CACNA1C: variants seen among roughly 807,000 people sequenced by gnomAD.
The protein encoded by CACNA1C is voltage-dependent L-type calcium channel subunit alpha-1C.
In CACNA1C, 30 loss-of-function variants were observed where a neutral mutation model predicts 229.0. The ratio of observed to expected loss-of-function variants is 0.13; its 90% CI spans 0.10 to 0.18. CACNA1C has a LOEUF of 0.18. CACNA1C is among the 10% of genes least tolerant of loss of function. CACNA1C has a pLI of 1.00. For synonymous variants in CACNA1C, 1,114 were observed against 1,132.5 expected (o/e 0.98, Z 0.33); for missense variants, 1,658 against 2,845.0 (o/e 0.58, Z 9.49).
At chr12:2,191,376 G>A (rs1003786082) in intron 3 of CACNA1C, among the ~76,000 whole-genome samples, 2 of 152,124 alleles carry the variant, frequency 1.3e-5, no homozygotes, top group East Asian at 1.9e-4. Context: ...CTTCTCCAGC[G>A]TACCGGCATC....
At chr12:2,176,545 A>G (rs574873144) in intron 3 of CACNA1C, among the ~76,000 whole-genome samples, 14 of 147,202 alleles carry the variant, frequency 9.5e-5, no homozygotes, top group African/African-American at 1.2e-4. Context: ...GCTTCCTTCC[A>G]TGTCAGCTAG....
intron 3 of CACNA1C, among the ~76,000 whole-genome samples, chr12:2,281,244 G>A (rs1295145091): frequency 6.6e-6 from 1 of 152,032 alleles, no homozygotes; most frequent in Non-Finnish European, 1.5e-5. Flanking sequence ...TGCCGTTGCT[G>A]CCATACATGC....
intron 3 of CACNA1C, among the ~76,000 whole-genome samples, chr12:2,277,350 GACAGACAGACAGACACACACACAC>G (rs2088905426): frequency 6.5e-5 from 5 of 76,530 alleles, no homozygotes; most frequent in African/African-American, 1.6e-4. Flanking sequence ...CAGACAGACA[GACAGACAGACAGACACACACACAC>G]ACACACACAC....
chr12:2,282,766 A>G (rs1054497528), intron 3 of CACNA1C, among the ~76,000 whole-genome samples: 2 of 152,204 alleles, frequency 1.3e-5, no homozygotes, highest in Admixed American at 6.5e-5. Context: ...CAGAGAGTAC[A>G]TGTAAGTTAG....
chr12:2,325,305 C>A (rs2096242091), intron 3 of CACNA1C, among the ~76,000 whole-genome samples: 2 of 152,212 alleles, frequency 1.3e-5, no homozygotes, highest in South Asian at 4.1e-4. Context: ...CCAAGAAACT[C>A]TCTGATACAG....
chr12:2,149,300 A>G (rs1225138326), intron 3 of CACNA1C, among the ~76,000 whole-genome samples: 1 of 152,184 alleles, frequency 6.6e-6, no homozygotes, highest in African/African-American at 2.4e-5. Context: ...AATCAAGCTG[A>G]GTATGCATCC....
chr12:2,515,231 T>G (rs2099794065), intron 9 of CACNA1C, among the ~76,000 whole-genome samples: 1 of 152,142 alleles, frequency 6.6e-6, no homozygotes, highest in South Asian at 2.1e-4. Flanking sequence ...GATAGACACA[T>G]GCAATGAAGT....
rs1020022783 is a variant in CACNA1C at position 2,275,405 on chromosome 12, G to A, written c.477+154975G>A. 3.9e-5 allele frequency among the ~76,000 whole-genome samples: 6 copies of A among 152,128 alleles called. No individual in the cohort carries two copies. The South Asian group carries it at 6.2e-4, about 16-fold the overall frequency. ...GTGTCTTCCCGGAAGGCTCGTGCCC[G>A]CACAGATTGTCTGGTGAGCCCGCCA... On this transcript the variant is annotated intron_variant, in intron 3 of 46. Transcript: ENST00000399655. The surrounding 1 kb of genome is among the most constrained non-coding windows in gnomAD (Gnocchi z 4.1).
At chr12:2,052,651 G>C (rs71435030), upstream of CACNA1C, among the ~76,000 whole-genome samples, 141,792 of 144,960 alleles carry the variant, frequency 0.98, 69,359 homozygotes, top group East Asian at 1. Context: ...GCCCGGGTGC[G>C]CCGCGCGCCC....
intron 9 of CACNA1C, among the ~76,000 whole-genome samples, chr12:2,524,859 G>A (rs762392391): frequency 1.2e-4 from 18 of 152,222 alleles, no homozygotes; most frequent in Non-Finnish European, 2.2e-4. Flanking sequence ...CTAAGTGCTC[G>A]GGGGCAGAAG....
chr12:2,585,276 C>A lies in CACNA1C; in HGVS notation c.2340-100C>A. Reference sequence around the variant, plus strand: ...ATGGACTCAGACCCAGGGGATCTGTCCCCTCTGGCCCCAACAGGCCACAGG... The same window carrying A: ...ATGGACTCAGACCCAGGGGATCTGTACCCTCTGGCCCCAACAGGCCACAGG... On this transcript the variant is annotated intron_variant, in intron 16 of 46. Transcript: ENST00000399655. The surrounding 1 kb of genome is among the most constrained non-coding windows in gnomAD (Gnocchi z 4.1). 1.7e-6 allele frequency: 2 copies of A among 1,172,044 alleles called. No homozygotes were observed. Among genetic ancestry groups the A allele is most frequent in the East Asian group, 2.6e-5 (1 of 38,804 alleles). The allele number at this position is 1,172,044 out of a possible 1,614,324, so 72.6% of individuals were successfully genotyped here. A position where few individuals can be genotyped will look rare whatever the true frequency, so the allele number is the denominator to read the frequency against.
intron 3 of CACNA1C, among the ~76,000 whole-genome samples, chr12:2,169,905 T>A (rs2096405169): frequency 6.6e-6 from 1 of 152,216 alleles, no homozygotes; most frequent in African/African-American, 2.4e-5. Flanking sequence ...CATTACCTAC[T>A]TCTGGTGCTC....
chr12:2,581,867 G>T, intron 14 of CACNA1C, 70 bp downstream of exon 14: 1 of 956,808 alleles, frequency 1.0e-6, no homozygotes, highest in Non-Finnish European at 1.6e-6. Context: ...AGGAGTGTGG[G>T]AAGCTGCACC....
chr12:2,004,452 A>G, intron 1 of CACNA1C: 1 of 1,596,280 alleles, frequency 6.3e-7, no homozygotes, highest in Non-Finnish European at 8.5e-7. Flanking sequence ...TCCCAGACAT[A>G]GGCACGGGGC....
chr12:2,075,704 G>A (rs1205985024), intron 1 of CACNA1C, among the ~76,000 whole-genome samples: 6 of 152,214 alleles, frequency 3.9e-5, no homozygotes. Context: ...GTTCACAGAA[G>A]TGGCGTCAGT....
rs137911446 is a variant in CACNA1C, at chr12:2,042,608, A to G, written c.139+71407A>G. ...TGTTTGGTGTCCTGGGGGCATTCAC[A>G]CCACAGGGATATGGACCTGGAAGGA... On this transcript the variant is annotated intron_variant, in intron 1 of 46. Transcript: ENST00000682462. Among the ~76,000 whole-genome samples the G allele has an allele frequency of 5.6e-3, 858 of 152,260 alleles. 13 individuals carry two copies. The highest frequency in any genetic ancestry group is 0.035 in the South Asian group (169 of 4,818).
Position 2,512,767 on chromosome 12 carries a change from C to T in CACNA1C, c.1218-45C>T, listed in dbSNP as rs774160249. On this transcript the variant is annotated intron_variant, in intron 8 of 46. Transcript: ENST00000399655. The surrounding 1 kb of genome is among the most constrained non-coding windows in gnomAD (Gnocchi z 4.3). ...CCTCGACCCTTCTCGGTGCTCCCTCCTTCTCTGTGCTCTCCTGCCCTGCCC... is the reference window on the plus strand; with the variant it reads ...CCTCGACCCTTCTCGGTGCTCCCTCTTTCTCTGTGCTCTCCTGCCCTGCCC... 1.5e-5 allele frequency: 22 copies of T among 1,477,524 alleles called. No homozygotes were observed. Among genetic ancestry groups the T allele is most frequent in the Admixed American group, 2.0e-5 (1 of 49,316 alleles). The allele number at this position is 1,477,524 out of a possible 1,614,324, so 91.5% of individuals were successfully genotyped here.
intron 3 of CACNA1C, among the ~76,000 whole-genome samples, chr12:2,283,553 T>G (rs1049631222): frequency 6.6e-6 from 1 of 152,164 alleles, no homozygotes; most frequent in South Asian, 2.1e-4. Context: ...GATTCCACTT[T>G]CAGAATTTTA....
At chr12:2,290,222 T>G (rs2093329503) in intron 3 of CACNA1C, among the ~76,000 whole-genome samples, 1 of 152,136 alleles carries the variant, frequency 6.6e-6, no homozygotes, top group Non-Finnish European at 1.5e-5. Flanking sequence ...AGAGAGAGCC[T>G]CCTGGCCAGC....
Sources: gnomAD v4.1 joint callset for allele counts (sites outside exome capture counted in the v4.1 genomes callset) on GRCh38, gnomAD v4.1.1 for gene constraint, Gnocchi (gnomAD v3.1) non-coding constraint, MANE v1.5 for transcripts, NCBI Gene and HGNC (gene_info 2026-07-23, HGNC 2026-07-21) for gene names.